PYGL: variants seen among roughly 807,000 people sequenced by gnomAD.
The protein encoded by PYGL is glycogen phosphorylase L.
A neutral mutation model predicts 100.1 loss-of-function variants in PYGL; 90 were observed. The ratio of observed to expected loss-of-function variants is 0.90; its 90% CI spans 0.76 to 1.07. The LOEUF (loss-of-function observed/expected upper bound fraction) is 1.07. PYGL is among the 50% of genes least tolerant of loss of function. PYGL has a pLI of 0.00. For synonymous variants in PYGL, 373 were observed against 393.0 expected, an observed-to-expected ratio of 0.95 and a Z score of 0.60; for missense variants, 1,016 against 1,057.6, an observed-to-expected ratio of 0.96 and a Z score of 0.55.
intron 13 of PYGL, 44 bp downstream of exon 13, chr14:50,912,985 T>C (rs2050413392): frequency 1.9e-6 from 3 of 1,553,166 alleles, no homozygotes; most frequent in African/African-American, 2.7e-5. Context: ...GGATAAACTC[T>C]CACAGTGAGT....
In PYGL at chr14:50,909,849, G is replaced by A. The variant is rs760085539; in HGVS notation, c.2177+46C>T. 6 of 1,601,502 alleles carry A rather than the reference G, an allele frequency of 3.7e-6. No homozygotes were observed. The South Asian group carries it at 5.5e-5, about 15-fold the overall frequency. On this transcript the variant is annotated intron_variant, in intron 17 of 19. Coordinates refer to ENST00000216392, the MANE Select transcript of PYGL (RefSeq NM_002863.5). ...GCCCTCTGAGGTCACATACCTTCTA[G>A]GGGGGAGGGGCAGTCCTGCCTAGCA...
chr14:50,911,659 C>G (rs1043593411), intron 16 of PYGL, 71 bp downstream of exon 16: 1 of 1,583,600 alleles, frequency 6.3e-7, no homozygotes, highest in African/African-American at 1.3e-5. Flanking sequence ...AGGTTGGCTG[C>G]CCCATCTTTC....
At chr14:50,918,065 C>G (rs1287846725) in intron 7 of PYGL, among the ~76,000 whole-genome samples, 1 of 152,050 alleles carries the variant, frequency 6.6e-6, no homozygotes, top group Non-Finnish European at 1.5e-5. Flanking sequence ...GAACAGCCAA[C>G]AAACACATGA....
intron 1 of PYGL, 82 bp downstream of exon 1, chr14:50,944,079 T>C: frequency 6.7e-7 from 1 of 1,485,416 alleles, no homozygotes; most frequent in East Asian, 2.5e-5. Context: ...CTCTGAGGGG[T>C]TCTCCACCTC....
intron 9 of PYGL, 23 bp downstream of exon 9, chr14:50,916,619 A>G: frequency 6.3e-7 from 1 of 1,589,896 alleles, no homozygotes; most frequent in Non-Finnish European, 8.6e-7. Flanking sequence ...AATTAAAGGA[A>G]AAAGAAGCCA....
chr14:50,920,964 A>G lies in PYGL; in HGVS notation c.764T>C (p.Leu255Pro), dbSNP rs2050494645. The G allele has an allele frequency of 6.2e-7, 1 of 1,612,554 alleles. No homozygotes were observed. The highest frequency in any genetic ancestry group is 1.1e-5 in the South Asian group (1 of 91,066). Reference sequence around the variant, plus strand: ...GCCTGTGCTGTACTCACAGTCTCTGAGGTTAAAGTCATTTGGTGCCCGAGC... The same window carrying G: ...GCCTGTGCTGTACTCACAGTCTCTGGGGTTAAAGTCATTTGGTGCCCGAGC... ...WSARAPNDFN[L>P]RDFNVGDYIQ... Residue 255 changes from leucine to proline, a missense_variant, in exon 6 of 20, where the codon CTC becomes CCC. Leu to Pro is a moderately conservative substitution (Grantham distance 98). Coordinates refer to ENST00000216392, the MANE Select transcript of PYGL (RefSeq NM_002863.5).
intron 2 of PYGL, 75 bp downstream of exon 2, chr14:50,937,661 G>T: frequency 7.3e-7 from 1 of 1,376,642 alleles, no homozygotes. Flanking sequence ...ATTTTTTTGT[G>T]CAATGTCCCC....
chr14:50,911,496 G>A (rs2050397139), intron 16 of PYGL, among the ~76,000 whole-genome samples: 1 of 152,192 alleles, frequency 6.6e-6, no homozygotes, highest in African/African-American at 2.4e-5. Context: ...AGCTCTCACT[G>A]GCTTGGAAGA....
In PYGL at chr14:50,920,634, G is replaced by T; in HGVS notation, c.773-11C>A. 6.3e-7 allele frequency: 1 copy of T among 1,599,030 alleles called. No individual in the cohort carries two copies. The highest frequency in any genetic ancestry group is 1.1e-5 in the South Asian group (1 of 90,756). ...AGTCTCCAACATTAACTAGGGGAAAGTTAGAGAAACAATAAATAGAGAAAC... is the reference window on the plus strand; with the variant it reads ...AGTCTCCAACATTAACTAGGGGAAATTTAGAGAAACAATAAATAGAGAAAC... On this transcript the variant is annotated splice_polypyrimidine_tract_variant and intron_variant, in intron 6 of 19. Coordinates refer to ENST00000216392, the MANE Select transcript of PYGL (RefSeq NM_002863.5).
At position 50,915,329 on chromosome 14, in the gene PYGL, G is replaced by T. The variant is rs766707193; in HGVS notation, c.1403+7C>A. On this transcript the variant is annotated splice_region_variant and intron_variant, in intron 11 of 19. Transcript: ENST00000216392. ...TCAGACCCACTGCCAGAGTAATGGA[G>T]GCTCACACTTTAGTCTTCACGATGT... The T allele has an allele frequency of 4.3e-6, 7 of 1,614,024 alleles. No individual in the cohort carries two copies. Among genetic ancestry groups the T allele is most frequent in the Non-Finnish European group, 5.9e-6 (7 of 1,179,898 alleles).
In PYGL at chr14:50,930,425, G is replaced by C. The variant is rs146551462; in HGVS notation, c.528+1248C>G. On this transcript the variant is annotated intron_variant, in intron 4 of 19. Transcript: ENST00000216392. Reference sequence around the variant, plus strand: ...TCTCAAATGAGAAATTAGGACCCAGGCTTCTCTTCTACAAGATGCTGCCTC... The same window carrying C: ...TCTCAAATGAGAAATTAGGACCCAGCCTTCTCTTCTACAAGATGCTGCCTC... Among the ~76,000 whole-genome samples, 189 of 152,288 alleles carry C rather than the reference G, an allele frequency of 1.2e-3. 2 individuals are homozygous for C. In the East Asian group the frequency reaches 0.027, roughly 22 times the overall value.
intron 13 of PYGL, among the ~76,000 whole-genome samples, chr14:50,912,760 C>T (rs1456581301): frequency 6.6e-6 from 1 of 152,016 alleles, no homozygotes; most frequent in African/African-American, 2.4e-5. Context: ...TCGAGACCAG[C>T]CTAGCCAACA....
intron 2 of PYGL, among the ~76,000 whole-genome samples, chr14:50,936,719 A>C (rs2050656076): frequency 6.6e-6 from 1 of 151,702 alleles, no homozygotes; most frequent in South Asian, 2.1e-4. Flanking sequence ...TGAGGCTGGG[A>C]GGTGGAGATT....
intron 13 of PYGL, chr14:50,912,542 C>T (rs1566501558): frequency 3.7e-6 from 2 of 538,044 alleles, no homozygotes; most frequent in South Asian, 4.1e-5. Flanking sequence ...GGGGTTTCAT[C>T]ATGTTGGCCA....
chr14:50,944,180 T>C lies in PYGL; in HGVS notation c.224A>G (p.Tyr75Cys), dbSNP rs771094581. 4.4e-5 allele frequency: 70 copies of C among 1,608,278 alleles called. No individual in the cohort carries two copies. Among genetic ancestry groups the C allele is most frequent in the Non-Finnish European group, 5.8e-5 (68 of 1,179,536 alleles). Residue 75 changes from tyrosine (Y) to cysteine (C), a missense_variant, in exon 1 of 20, where the codon TAC (tyrosine) becomes TGC (cysteine). By Grantham distance (194) the Tyr-to-Cys change is radical. Transcript: ENST00000216392. ...GGTTACCTTGGGGCACTTGTCGTAG[T>C]AGTGCTGCTGCGTGCGGATCCAGCG... Reference protein sequence around the residue: ...VGRWIRTQQHYYDKCPKRVYY... With the variant: ...VGRWIRTQQHCYDKCPKRVYY...
chr14:50,928,000 T>C (rs974888845), intron 4 of PYGL, among the ~76,000 whole-genome samples: 2 of 152,188 alleles, frequency 1.3e-5, no homozygotes, highest in African/African-American at 2.4e-5. Context: ...GGGAGAACTT[T>C]CATCTACATC....
chr14:50,932,952 T>C (rs573658083), intron 3 of PYGL, among the ~76,000 whole-genome samples: 101 of 152,356 alleles, frequency 6.6e-4, no homozygotes, highest in African/African-American at 2.3e-3. Context: ...CGCCAATCCC[T>C]GTGCTCACAT....
intron 1 of PYGL, among the ~76,000 whole-genome samples, chr14:50,939,016 T>TTTAA (rs556821851): frequency 1.3e-5 from 2 of 152,156 alleles, no homozygotes; most frequent in African/African-American, 4.8e-5. Flanking sequence ...AATTTTACAG[T>TTTAA]TTAATTAATT....
intron 17 of PYGL, among the ~76,000 whole-genome samples, 200 bp downstream of exon 17, chr14:50,909,695 G>A (rs1024282480): frequency 6.6e-5 from 10 of 152,188 alleles, no homozygotes; most frequent in Non-Finnish European, 1.5e-5. Flanking sequence ...CCATGTGTCT[G>A]TACTTTTATT....
Sources: gnomAD v4.1 joint callset for allele counts (sites outside exome capture counted in the v4.1 genomes callset) on GRCh38, gnomAD v4.1.1 for gene constraint, MANE v1.5 for transcripts, NCBI Gene and HGNC (gene_info 2026-07-23, HGNC 2026-07-21) for gene names.